MTUS2: variants seen among roughly 807,000 people sequenced by gnomAD.
The protein encoded by MTUS2 is microtubule associated scaffold protein 2, also known as microtubule-associated tumor suppressor candidate 2.
MTUS2 carries 40 observed loss-of-function variants against 114.1 expected under a neutral mutation model. The ratio of observed to expected loss-of-function variants is 0.35; its 90% CI spans 0.27 to 0.46. The LOEUF (loss-of-function observed/expected upper bound fraction) is 0.46, where lower values mean the gene tolerates loss of function less well. Among genes scored for constraint, MTUS2 ranks in the 20% least tolerant of loss-of-function variants. The probability of loss-of-function intolerance (pLI) is 1.00; values close to 1 mark genes in which losing one functional copy is unlikely to be tolerated. For missense variants in MTUS2, 1,679 were observed against 1,705.4 expected (o/e 0.98, Z 0.27); for synonymous variants, 688 against 672.0 (o/e 1.02, Z -0.37).
chr13:29,169,699 A>AT (rs1566044432), intron 5 of MTUS2, among the ~76,000 whole-genome samples: 8 of 152,054 alleles, frequency 5.3e-5, no homozygotes, highest in Admixed American at 4.6e-4. Flanking sequence ...CAAGTATTTA[A>AT]TTTTTTCTTA....
Position 29,447,606 on chromosome 13 carries a change from C to T in MTUS2, c.3184+7557C>T, listed in dbSNP as rs182082229. On this transcript the variant is annotated intron_variant, in intron 9 of 15. Transcript: ENST00000612955. ...GGCCTTGGGGTATCTAAACTGTTGT[C>T]TCCATTTTTTTTTTTTTTTTTTAAT... 1.2e-4 allele frequency among the ~76,000 whole-genome samples: 17 copies of T among 143,098 alleles called. 1 individual carries two copies. The highest frequency in any genetic ancestry group is 1.1e-3 in the South Asian group (5 of 4,450). The allele number at this position is 143,098 out of a possible 152,430, so 93.9% of individuals were successfully genotyped here. A position where few individuals can be genotyped will look rare whatever the true frequency, so the allele number is the denominator to read the frequency against.
At chr13:29,296,158 A>G (rs572013802) in intron 6 of MTUS2, among the ~76,000 whole-genome samples, 39 of 152,168 alleles carry the variant, frequency 2.6e-4, no homozygotes, top group African/African-American at 9.4e-4. Context: ...ATACCCAGCA[A>G]TAGGATTGCT....
chr13:28,910,453 T>C (rs1019415637), intron 2 of MTUS2, among the ~76,000 whole-genome samples: 2 of 152,158 alleles, frequency 1.3e-5, no homozygotes, highest in Non-Finnish European at 2.9e-5. Context: ...ACGTATGCCA[T>C]GGTGGTTTGC....
intron 8 of MTUS2, among the ~76,000 whole-genome samples, chr13:29,387,624 C>T (rs1365123673): frequency 6.6e-6 from 1 of 152,026 alleles, no homozygotes; most frequent in Non-Finnish European, 1.5e-5. Flanking sequence ...AGGAACAAGG[C>T]GAGAGATGAT....
chr13:29,108,302 C>G (rs1250087655), intron 5 of MTUS2, among the ~76,000 whole-genome samples: 1 of 152,204 alleles, frequency 6.6e-6, no homozygotes, highest in Non-Finnish European at 1.5e-5. Flanking sequence ...TTTGTTCATT[C>G]TCTTCAGAAG....
intron 2 of MTUS2, among the ~76,000 whole-genome samples, chr13:28,932,830 G>T (rs1289391376): frequency 6.6e-6 from 1 of 152,186 alleles, no homozygotes; most frequent in Non-Finnish European, 1.5e-5. Context: ...CCCACAGGGG[G>T]TTCTGTTCTA....
At chr13:28,962,297 C>T (rs941542747) in intron 2 of MTUS2, among the ~76,000 whole-genome samples, 1 of 152,026 alleles carries the variant, frequency 6.6e-6, no homozygotes, top group African/African-American at 2.4e-5. Context: ...CTTCTCTCCC[C>T]TCTCCCACAC....
intron 8 of MTUS2, among the ~76,000 whole-genome samples, chr13:29,382,939 G>A (rs1176604132): frequency 2.0e-5 from 3 of 152,180 alleles, no homozygotes; most frequent in Non-Finnish European, 4.4e-5. Flanking sequence ...ACAGAGGAGA[G>A]AGGAGGCAGT....
At chr13:28,838,441 T>C (rs1875241105) in intron 1 of MTUS2, among the ~76,000 whole-genome samples, 1 of 152,194 alleles carries the variant, frequency 6.6e-6, no homozygotes. Context: ...GGTTACTACA[T>C]TTATTACAAG....
At chr13:29,031,703 G>A (rs1195316534) in intron 3 of MTUS2, among the ~76,000 whole-genome samples, 1 of 151,824 alleles carries the variant, frequency 6.6e-6, no homozygotes, top group Non-Finnish European at 1.5e-5. Flanking sequence ...TCTAATATAA[G>A]AAATACTTTC....
At chr13:28,993,893 A>C (rs1462792491) in intron 2 of MTUS2, among the ~76,000 whole-genome samples, 3 of 151,268 alleles carry the variant, frequency 2.0e-5, no homozygotes, top group Middle Eastern at 3.4e-3. Context: ...TTTAATGTTT[A>C]TTTTTATTTT....
intron 8 of MTUS2, among the ~76,000 whole-genome samples, chr13:29,394,880 G>A (rs1052073182): frequency 6.6e-6 from 1 of 152,102 alleles, no homozygotes; most frequent in Non-Finnish European, 1.5e-5. Context: ...GGAATCTAAT[G>A]CCTGATGATC....
intron 2 of MTUS2, among the ~76,000 whole-genome samples, chr13:28,874,731 C>G (rs191608413): frequency 6.6e-6 from 1 of 152,190 alleles, no homozygotes; most frequent in Admixed American, 6.5e-5. Flanking sequence ...ACACAAGGAG[C>G]AACCCTAGTT....
chr13:29,246,415 G>GAAGGC (rs1201188008), intron 5 of MTUS2, among the ~76,000 whole-genome samples: 9 of 152,220 alleles, frequency 5.9e-5, no homozygotes, highest in African/African-American at 2.2e-4. Context: ...CGGATCTCCT[G>GAAGGC]TTGCTGCTCA....
intron 8 of MTUS2, among the ~76,000 whole-genome samples, chr13:29,364,994 G>A (rs1254002567): frequency 6.6e-6 from 1 of 152,206 alleles, no homozygotes; most frequent in Non-Finnish European, 1.5e-5. Context: ...ACATAACACA[G>A]TAGAGAGTGC....
chr13:29,131,429 C>G (rs544876298), intron 5 of MTUS2, among the ~76,000 whole-genome samples: 1 of 152,372 alleles, frequency 6.6e-6, no homozygotes, highest in African/African-American at 2.4e-5. Flanking sequence ...TGATGTTACC[C>G]CTGAGACAGC....
chr13:29,416,589 T>A (rs1027835158), intron 8 of MTUS2, among the ~76,000 whole-genome samples: 2 of 152,094 alleles, frequency 1.3e-5, no homozygotes, highest in African/African-American at 4.8e-5. Flanking sequence ...GCTCATACAC[T>A]ATCCAATGCC....
chr13:29,445,077 G>A (rs1593451481), intron 9 of MTUS2, among the ~76,000 whole-genome samples: 1 of 152,166 alleles, frequency 6.6e-6, no homozygotes, highest in South Asian at 2.1e-4. Flanking sequence ...TCTTCTAGAA[G>A]GTCTGTAGTT....
chr13:29,262,080 C>G (rs996487424), intron 5 of MTUS2, among the ~76,000 whole-genome samples: 1 of 152,208 alleles, frequency 6.6e-6, no homozygotes, highest in Non-Finnish European at 1.5e-5. Flanking sequence ...ATTTATGTGC[C>G]AGAAGTTCAG....
Sources: allele counts gnomAD v4.1 joint callset (sites outside exome capture counted in the v4.1 genomes callset), GRCh38; gene constraint gnomAD v4.1.1; transcripts MANE v1.5; gene names NCBI Gene and HGNC (gene_info 2026-07-23, HGNC 2026-07-21).